Variants in NCALD observed in about 807,000 individuals in gnomAD.
NCALD encodes neurocalcin delta, also known as neurocalcin-delta.
In NCALD, 10 loss-of-function variants were observed where a neutral mutation model predicts 18.6. That is an observed-to-expected ratio of 0.54 (90% CI 0.33 to 0.91). NCALD has a LOEUF of 0.91. NCALD is among the 40% of genes least tolerant of loss of function. NCALD has a pLI of 0.03. For missense variants in NCALD, 184 were observed against 247.6 expected (o/e 0.74, Z 1.72); for synonymous variants, 88 against 87.4 (o/e 1.01, Z -0.04).
intron 4 of NCALD, among the ~76,000 whole-genome samples, chr8:101,811,737 C>T (rs991516790): frequency 3.3e-5 from 5 of 152,046 alleles, no homozygotes; most frequent in African/African-American, 1.2e-4. Context: ...TGGGAGTGAA[C>T]CCATTACGGA....
chr8:101,928,143 T>C (rs2131684804), intron 2 of NCALD, among the ~76,000 whole-genome samples: 1 of 152,208 alleles, frequency 6.6e-6, no homozygotes, highest in African/African-American at 2.4e-5. Context: ...CTTAATTAAA[T>C]AACTAATTAA....
chr8:101,990,566 G>A (rs1254353516), intron 2 of NCALD, among the ~76,000 whole-genome samples: 5 of 152,182 alleles, frequency 3.3e-5, no homozygotes, highest in Admixed American at 3.3e-4. Context: ...TCTCTGGATA[G>A]TGAATAAGTT....
intron 2 of NCALD, among the ~76,000 whole-genome samples, chr8:101,712,587 C>CAAAAAAAAAAAAAAAAAAA (rs201729096): frequency 1.1e-4 from 9 of 78,902 alleles, no homozygotes; most frequent in East Asian, 4.0e-4. Flanking sequence ...AAATGGAAAG[C>CAAAAAAAAAAAAAAAAAAA]AAAAAAAAAA....
At chr8:101,933,736 G>A (rs1370414769) in intron 2 of NCALD, among the ~76,000 whole-genome samples, 1 of 152,146 alleles carries the variant, frequency 6.6e-6, no homozygotes, top group Non-Finnish European at 1.5e-5. Flanking sequence ...TGTCTTGGGG[G>A]TTGGAGGCCT....
intron 3 of NCALD, among the ~76,000 whole-genome samples, chr8:101,908,978 T>C (rs893004604): frequency 1.3e-5 from 2 of 152,112 alleles, no homozygotes; most frequent in African/African-American, 2.4e-5. Context: ...AAGAGATTCA[T>C]AGCAACCAAT....
At chr8:101,785,841 C>T (rs1431247342) in intron 1 of NCALD, 2 of 152,186 alleles carry the variant, frequency 1.3e-5, no homozygotes, top group Non-Finnish European at 2.9e-5. Flanking sequence ...GGGAATAGGA[C>T]TGAGCATACC....
intron 2 of NCALD, among the ~76,000 whole-genome samples, chr8:101,982,891 T>G (rs1586867498): frequency 6.6e-6 from 1 of 152,074 alleles, no homozygotes; most frequent in East Asian, 1.9e-4. Context: ...ATATGTTCTG[T>G]GACCTTGAAT....
At chr8:101,885,762 T>C (rs1047322919) in intron 4 of NCALD, among the ~76,000 whole-genome samples, 4 of 152,196 alleles carry the variant, frequency 2.6e-5, no homozygotes, top group African/African-American at 9.7e-5. Context: ...TAGAAGCCAA[T>C]AGCATCATAG....
In NCALD at chr8:102,033,257, T is replaced by A. The variant is rs548546875; in HGVS notation, c.-209-12968A>T. ...CATCATCCAGAAGCAGCTAACCTGG[T>A]AGAATGATGGAATCACCTACTGAAG... On this transcript the variant is annotated intron_variant, in intron 1 of 6. Transcript: ENST00000311028. Among the ~76,000 whole-genome samples, 115 of 152,226 alleles carry A rather than the reference T, an allele frequency of 7.6e-4. 1 individual carries two copies. Among genetic ancestry groups the A allele is most frequent in the African/African-American group, 2.7e-3 (113 of 41,518 alleles).
At chr8:102,014,387 C>T (rs1042250774) in intron 2 of NCALD, among the ~76,000 whole-genome samples, 5 of 152,106 alleles carry the variant, frequency 3.3e-5, no homozygotes, top group Non-Finnish European at 4.4e-5. Context: ...ATGATCTAAT[C>T]ACCTCCCAAA....
chr8:101,738,552 C>CAAAAAAAAAAAAAAA (rs34205453), intron 1 of NCALD, among the ~76,000 whole-genome samples: 15 of 127,900 alleles, frequency 1.2e-4, no homozygotes, highest in Non-Finnish European at 1.5e-4. Context: ...CTCAAAAAAA[C>CAAAAAAAAAAAAAAA]AAAAAAAAAA....
chr8:101,869,988 T>C (rs1468620372), intron 4 of NCALD, among the ~76,000 whole-genome samples: 2 of 152,226 alleles, frequency 1.3e-5, no homozygotes, highest in Admixed American at 6.5e-5. Flanking sequence ...CTCAAATACT[T>C]ACATGTGTTT....
intron 1 of NCALD, among the ~76,000 whole-genome samples, chr8:102,108,432 A>G (rs1825542402): frequency 6.6e-6 from 1 of 152,236 alleles, no homozygotes; most frequent in Admixed American, 6.5e-5. Context: ...CTTATCAAAT[A>G]TGCATCGGTC....
chr8:101,719,731 G>T, intron 1 of NCALD, 83 bp from the exon 2 acceptor site: 1 of 1,329,452 alleles, frequency 7.5e-7, no homozygotes, highest in Non-Finnish European at 1.0e-6. Flanking sequence ...GTTCCTTTGG[G>T]AAGAAGAAAA....
chr8:101,893,147 A>G (rs1816982746), intron 3 of NCALD, among the ~76,000 whole-genome samples: 1 of 151,958 alleles, frequency 6.6e-6, no homozygotes, highest in African/African-American at 2.4e-5. Flanking sequence ...GAAGCCCATC[A>G]GACTAACAGC....
chr8:102,022,369 A>G (rs1822305567), intron 1 of NCALD, among the ~76,000 whole-genome samples: 1 of 152,208 alleles, frequency 6.6e-6, no homozygotes, highest in Non-Finnish European at 1.5e-5. Context: ...TTTATTCCAA[A>G]TACTTGAGGA....
intron 3 of NCALD, among the ~76,000 whole-genome samples, chr8:101,897,638 G>A (rs771554993): frequency 2.6e-5 from 4 of 152,206 alleles, no homozygotes; most frequent in African/African-American, 4.8e-5. Context: ...CAGGCTTTGT[G>A]TAGATAAAGT....
chr8:101,872,349 A>G lies in NCALD; in HGVS notation c.-20+14792T>C. The G allele has an allele frequency of 2.0e-6, 3 of 1,528,126 alleles. No individual in the cohort carries two copies. The South Asian group carries it at 3.4e-5, about 17-fold the overall frequency. 94.7% of individuals were successfully genotyped at this position (1,528,126 alleles called of 1,614,324 possible). A position where few individuals can be genotyped will look rare whatever the true frequency, so the allele number is the denominator to read the frequency against. ...ATCTGTACATTTCAATAGCATGTTCATCCTCCTCATTAAACTCGTCTTCAT... is the reference window on the plus strand; with the variant it reads ...ATCTGTACATTTCAATAGCATGTTCGTCCTCCTCATTAAACTCGTCTTCAT... On this transcript the variant is annotated intron_variant, in intron 4 of 6. Transcript: ENST00000311028.
At chr8:102,117,743 A>G (rs1222368302) in intron 1 of NCALD, among the ~76,000 whole-genome samples, 1 of 152,238 alleles carries the variant, frequency 6.6e-6, no homozygotes, top group African/African-American at 2.4e-5. Context: ...AGTATGAAAT[A>G]TGCCTGCAAA....
Sources: allele counts gnomAD v4.1 joint callset (sites outside exome capture counted in the v4.1 genomes callset), GRCh38; gene constraint gnomAD v4.1.1; transcripts MANE v1.5; gene names NCBI Gene and HGNC (gene_info 2026-07-23, HGNC 2026-07-21).